Variants in ATP11B observed in about 807,000 individuals in gnomAD.
ATP11B encodes phospholipid-transporting ATPase IF.
Under a neutral mutation model 157.8 loss-of-function variants are expected in ATP11B, and 81 were observed. The observed-to-expected ratio is 0.51, with a 90% CI of 0.43 to 0.62. The LOEUF is 0.62. Among genes scored for constraint, ATP11B ranks in the 20% least tolerant of loss-of-function variants. The pLI, the probability that ATP11B is intolerant of heterozygous loss-of-function variation, is 0.00. For missense variants in ATP11B, 1,165 were observed against 1,402.2 expected, an observed-to-expected ratio of 0.83 and a Z score of 2.70; for synonymous variants, 451 against 469.4, an observed-to-expected ratio of 0.96 and a Z score of 0.51.
intron 4 of ATP11B, among the ~76,000 whole-genome samples, chr3:182,834,433 A>T (rs766002655): frequency 2.7e-4 from 41 of 152,210 alleles, no homozygotes; most frequent in Non-Finnish European, 5.0e-4. Flanking sequence ...CCAGTCTCCT[A>T]GTTCTCCTAC....
At chr3:182,859,044 C>A (rs1189455312) in intron 11 of ATP11B, 118 bp from the exon 12 acceptor site, 2 of 609,398 alleles carry the variant, frequency 3.3e-6, no homozygotes, top group Non-Finnish European at 5.7e-6. Flanking sequence ...GACTATTCTA[C>A]CTCAGAATAT....
chr3:182,825,598 C>T (rs1209370972), intron 2 of ATP11B, among the ~76,000 whole-genome samples: 1 of 151,066 alleles, frequency 6.6e-6, no homozygotes, highest in East Asian at 1.9e-4. Flanking sequence ...TGGCGGTTGC[C>T]TGTAGTCCCA....
rs201910693 is a variant in ATP11B, at chr3:182,828,231, T to A, written c.234+22T>A. 6 of 1,061,770 alleles carry A rather than the reference T, an allele frequency of 5.7e-6. No homozygotes were observed. The African/African-American group carries it at 9.8e-5, about 17-fold the overall frequency. 65.8% of individuals were successfully genotyped at this position (1,061,770 alleles called of 1,614,324 possible). On this transcript the variant is annotated intron_variant, in intron 3 of 29. Transcript: ENST00000323116. ...TCAGGTAAGCTTTATTACTCAATCTTAAGTTTGTAAACATAGTTTCTAAAA... is the reference window on the plus strand; with the variant it reads ...TCAGGTAAGCTTTATTACTCAATCTAAAGTTTGTAAACATAGTTTCTAAAA...
chr3:182,906,948 C>G (rs543048722), intron 28 of ATP11B, among the ~76,000 whole-genome samples: 71 of 151,924 alleles, frequency 4.7e-4, no homozygotes, highest in African/African-American at 1.6e-3. Context: ...CAAAAATTAA[C>G]TAGGTGTGGT....
intron 17 of ATP11B, among the ~76,000 whole-genome samples, chr3:182,870,927 GAAAA>G (rs756934976): frequency 2.6e-4 from 27 of 102,618 alleles, no homozygotes; most frequent in African/African-American, 1.1e-3. Flanking sequence ...GTCTCCGTCT[GAAAA>G]AAAAAAAAAA....
At chr3:182,835,845 A>G (rs916150296) in intron 4 of ATP11B, among the ~76,000 whole-genome samples, 190 bp from the exon 5 acceptor site, 21 of 152,216 alleles carry the variant, frequency 1.4e-4, no homozygotes, top group African/African-American at 5.1e-4. Context: ...GAAAATGTAT[A>G]TGACAAAAAA....
At position 182,864,494 on chromosome 3, in the gene ATP11B, A is replaced by G. The variant is rs117170344; in HGVS notation, c.1201-962A>G. Reference sequence around the variant, plus strand: ...GATTTTTATCAAATGCTTTTTCTGTACCTATTTTGGTGGTTATTTTATCAA... The same window carrying G: ...GATTTTTATCAAATGCTTTTTCTGTGCCTATTTTGGTGGTTATTTTATCAA... On this transcript the variant is annotated intron_variant, in intron 12 of 29. Coordinates refer to ENST00000323116, the MANE Select transcript of ATP11B (RefSeq NM_014616.3). Among the ~76,000 whole-genome samples the G allele has an allele frequency of 3.3e-4, 50 of 152,090 alleles. No individual in the cohort carries two copies. The East Asian group carries it at 8.1e-3, about 25-fold the overall frequency.
intron 28 of ATP11B, among the ~76,000 whole-genome samples, chr3:182,910,890 G>A (rs1724732459): frequency 6.6e-6 from 1 of 152,074 alleles, no homozygotes; most frequent in African/African-American, 2.4e-5. Context: ...TTGAGCCAGT[G>A]CTTTTACAAA....
chr3:182,829,829 TTTA>T (rs1466036693), intron 4 of ATP11B, 77 bp downstream of exon 4: 1 of 1,416,488 alleles, frequency 7.1e-7, no homozygotes, highest in African/African-American at 1.5e-5. Flanking sequence ...CAAAGTAACA[TTTA>T]TTGTTGTGAA....
chr3:182,834,742 C>G (rs1718412033), intron 4 of ATP11B, among the ~76,000 whole-genome samples: 2 of 152,266 alleles, frequency 1.3e-5, no homozygotes, highest in African/African-American at 4.8e-5. Context: ...TAGTGATGAT[C>G]CATACAGGCT....
intron 25 of ATP11B, among the ~76,000 whole-genome samples, chr3:182,894,998 T>C (rs757708966): frequency 3.3e-5 from 5 of 150,252 alleles, no homozygotes; most frequent in Non-Finnish European, 7.4e-5. Flanking sequence ...TGGTGGCGTG[T>C]GCCTCTAGTC....
intron 2 of ATP11B, among the ~76,000 whole-genome samples, chr3:182,821,725 T>G (rs1717359040): frequency 6.6e-6 from 1 of 152,214 alleles, no homozygotes; most frequent in African/African-American, 2.4e-5. Context: ...AATTTTTATT[T>G]AAATGTCAGT....
chr3:182,868,317 G>T (rs988250888), intron 15 of ATP11B, among the ~76,000 whole-genome samples: 1 of 148,908 alleles, frequency 6.7e-6, no homozygotes, highest in East Asian at 2.0e-4. Flanking sequence ...AATTCCAGCT[G>T]TGCTTTTCCA....
intron 23 of ATP11B, among the ~76,000 whole-genome samples, chr3:182,887,303 C>G (rs1560114587): frequency 6.6e-6 from 1 of 152,242 alleles, no homozygotes; most frequent in East Asian, 1.9e-4. Flanking sequence ...TCACAGTGAT[C>G]AAATTGTGGA....
chr3:182,915,725 A>ACATAGCCATTTTGATGCAGCATT (rs1725096418), intron 29 of ATP11B: 1 of 985,084 alleles, frequency 1.0e-6, no homozygotes, highest in Non-Finnish European at 1.2e-6. Flanking sequence ...ATTATTCTTT[A>ACATAGCCATTTTGATGCAGCATT]CATAGCCATT....
At chr3:182,831,469 A>C (rs986019998) in intron 4 of ATP11B, among the ~76,000 whole-genome samples, 1 of 152,098 alleles carries the variant, frequency 6.6e-6, no homozygotes, top group Admixed American at 6.6e-5. Flanking sequence ...AAGCTACTGA[A>C]CAGTAGCTTT....
rs1226411869 is a variant in ATP11B at position 182,869,768 on chromosome 3, C to T, written c.1866+437C>T. 3.0e-4 allele frequency among the ~76,000 whole-genome samples: 46 copies of T among 152,208 alleles called. 1 individual carries two copies. Among genetic ancestry groups the T allele is most frequent in the Admixed American group, 3.0e-3 (46 of 15,280 alleles). ...TCTACTCCTGGGTGGACACCCAAGA[C>T]AGCTGAAAACATGTTCACAAAAAAA... On this transcript the variant is annotated intron_variant, in intron 17 of 29. Transcript: ENST00000323116.
intron 12 of ATP11B, among the ~76,000 whole-genome samples, chr3:182,861,343 G>T (rs554513856): frequency 5.8e-4 from 89 of 152,306 alleles, no homozygotes; most frequent in African/African-American, 2.1e-3. Flanking sequence ...GGGATTACAG[G>T]TGTGAGCCAC....
intron 21 of ATP11B, among the ~76,000 whole-genome samples, chr3:182,883,828 G>A (rs960421927): frequency 1.9e-4 from 29 of 149,072 alleles, no homozygotes; most frequent in Admixed American, 1.3e-3. Flanking sequence ...AGTGGCGGGC[G>A]CCTGTAGTCC....
Sources: gnomAD v4.1 joint callset for allele counts (sites outside exome capture counted in the v4.1 genomes callset) on GRCh38, gnomAD v4.1.1 for gene constraint, MANE v1.5 for transcripts, NCBI Gene and HGNC (gene_info 2026-07-23, HGNC 2026-07-21) for gene names.